Variants in STON2 observed in about 807,000 individuals in gnomAD.
The protein encoded by STON2 is stonin 2.
In STON2, 29 loss-of-function variants were observed where a neutral mutation model predicts 65.7. The ratio of observed to expected loss-of-function variants is 0.44; its 90% CI spans 0.33 to 0.60. STON2 has a LOEUF of 0.60. STON2 is among the 20% of genes least tolerant of loss of function. The pLI is 0.03. For synonymous variants in STON2, 404 were observed against 414.2 expected (o/e 0.98, Z 0.30); for missense variants, 1,054 against 1,118.1 (o/e 0.94, Z 0.82).
chr14:81,262,056 C>A lies in STON2; in HGVS notation c.*6358G>T. The stretch of plus-strand genomic sequence containing the variant: ...GTTCTTATAAACATAGGAAGAGTCA[C>A]TGAAAGGTGGCACCAATGGATATTT... On this transcript the variant is annotated 3_prime_UTR_variant, in exon 8 of 8. Transcript: ENST00000614646. 7.7e-7 allele frequency: 1 copy of A among 1,306,038 alleles called. No individual in the cohort carries two copies. Among genetic ancestry groups the A allele is most frequent in the Middle Eastern group, 2.9e-4 (1 of 3,428 alleles). The allele number at this position is 1,306,038 out of a possible 1,614,324, so 80.9% of individuals were successfully genotyped here. A position where few individuals can be genotyped will look rare whatever the true frequency, so the allele number is the denominator to read the frequency against.
At chr14:81,432,329 C>A (rs562789173) in intron 1 of STON2, among the ~76,000 whole-genome samples, 11 of 152,210 alleles carry the variant, frequency 7.2e-5, no homozygotes, top group African/African-American at 2.6e-4. Context: ...TAGTAACTTG[C>A]TCCATCTCGT....
chr14:81,309,452 TA>T (rs1896338265), intron 5 of STON2, among the ~76,000 whole-genome samples: 1 of 152,224 alleles, frequency 6.6e-6, no homozygotes, highest in African/African-American at 2.4e-5. Flanking sequence ...CTCATTTATT[TA>T]CATGTACTTT....
chr14:81,434,839 G>T (rs1261836386), intron 1 of STON2, among the ~76,000 whole-genome samples: 1 of 152,024 alleles, frequency 6.6e-6, no homozygotes, highest in African/African-American at 2.4e-5. Context: ...CAGTGACAAA[G>T]AATTAAACCA....
At position 81,277,586 on chromosome 14, in the gene STON2, G is replaced by A. The variant is rs777430496; in HGVS notation, c.1896C>T (p.Val632=). The stretch of plus-strand genomic sequence containing the variant: ...TCACAATGCCAGAGAATTCATCTCT[G>A]ACATCCACTGTAATCTCCTCTTCAA... ...NYLEEEITVD[V]RDEFSGIVSK... Residue 632 remains valine, a synonymous_variant, in exon 6 of 8, where the codon GTC becomes GTT. Transcript: ENST00000614646. The A allele has an allele frequency of 1.2e-6, 2 of 1,614,172 alleles. No individual in the cohort carries two copies. The highest frequency in any genetic ancestry group is 3.3e-5 in the Admixed American group (2 of 60,020).
At chr14:81,411,026 T>C (rs561946643) in intron 2 of STON2, among the ~76,000 whole-genome samples, 111 of 152,396 alleles carry the variant, frequency 7.3e-4, no homozygotes, top group Middle Eastern at 3.4e-3. Flanking sequence ...ATTTCTGTTT[T>C]TCTTCCTTGC....
intron 4 of STON2, chr14:81,333,214 T>A: frequency 2.1e-6 from 2 of 964,310 alleles, no homozygotes; most frequent in Non-Finnish European, 3.3e-6. Flanking sequence ...TGTGGTCTTG[T>A]ACATTTTTGC....
intron 2 of STON2, among the ~76,000 whole-genome samples, chr14:81,408,150 C>CAT (rs1900961301): frequency 7.1e-6 from 1 of 141,582 alleles, no homozygotes; most frequent in African/African-American, 2.9e-5. Flanking sequence ...CACACACACA[C>CAT]ACACACACGC....
chr14:81,277,557 T>C lies in STON2; in HGVS notation c.1925A>G (p.Lys642Arg). ...VRDEFSGIVS[K>R]GDNQILQHHV... ...GTGCTGGAGAATCTGGTTGTCTCCT[T>C]TGCTCACAATGCCAGAGAATTCATC... The change falls in exon 6 of 8, where the codon AAA (lysine) becomes AGA (arginine). Residue 642 changes from lysine (K) to arginine (R), a missense_variant. By Grantham distance (26) the Lys-to-Arg change is conservative. Transcript: ENST00000614646. 2 of 1,614,174 alleles carry C rather than the reference T, an allele frequency of 1.2e-6. No individual in the cohort carries two copies. The highest frequency in any genetic ancestry group is 1.7e-6 in the Non-Finnish European group (2 of 1,180,024).
chr14:81,408,158 C>CACACGCGT (rs1491573285), intron 2 of STON2, among the ~76,000 whole-genome samples: 6 of 94,554 alleles, frequency 6.3e-5, no homozygotes, highest in Admixed American at 4.2e-4. Flanking sequence ...CACACACACA[C>CACACGCGT]GCGCACACAC....
intron 3 of STON2, among the ~76,000 whole-genome samples, chr14:81,393,647 TGAA>T (rs1408444251): frequency 6.6e-6 from 1 of 152,232 alleles, no homozygotes; most frequent in African/African-American, 2.4e-5. Flanking sequence ...GTACATGATA[TGAA>T]GTAGCTAAGG....
intron 2 of STON2, 96 bp from the exon 3 acceptor site, chr14:81,396,274 G>A (rs1004591471): frequency 3.7e-5 from 44 of 1,180,210 alleles, no homozygotes; most frequent in Admixed American, 1.4e-4. Context: ...TGGGGTGCCC[G>A]CATGACTCGC....
chr14:81,316,474 A>G (rs1566905413), intron 5 of STON2, among the ~76,000 whole-genome samples: 2 of 152,242 alleles, frequency 1.3e-5, no homozygotes, highest in Non-Finnish European at 2.9e-5. Context: ...TAGGAAGATC[A>G]ACTCAGTAAG....
chr14:81,264,802 G>A lies in STON2; in HGVS notation c.*3612C>T, dbSNP rs1894292462. 7 of 985,392 alleles carry A rather than the reference G, an allele frequency of 7.1e-6. No individual in the cohort carries two copies. Among genetic ancestry groups the A allele is most frequent in the Non-Finnish European group, 8.4e-6 (7 of 829,926 alleles). The allele number at this position is 985,392 out of a possible 1,614,324, so 61.0% of individuals were successfully genotyped here. On this transcript the variant is annotated 3_prime_UTR_variant, in exon 8 of 8. Coordinates refer to ENST00000614646, the MANE Select transcript of STON2 (RefSeq NM_001394390.1). Reference sequence around the variant, plus strand: ...TGAATGAAATGCAAACTTTTGATAAGGAATAACTAGTACTATGTCTGCAAG... The same window carrying A: ...TGAATGAAATGCAAACTTTTGATAAAGAATAACTAGTACTATGTCTGCAAG...
At chr14:81,375,323 G>C (rs1325601649) in intron 3 of STON2, among the ~76,000 whole-genome samples, 1 of 151,964 alleles carries the variant, frequency 6.6e-6, no homozygotes, top group East Asian at 1.9e-4. Flanking sequence ...ATTTAACATG[G>C]TATGCACAAA....
At position 81,324,102 on chromosome 14, in the gene STON2, G is replaced by T. The variant is rs1013214068; in HGVS notation, c.657C>A (p.His219Gln). ...ACSEHTSTRTHRLDPSPPSPQ... is the reference protein window; with the variant it reads ...ACSEHTSTRTQRLDPSPPSPQ... ...GTGAGGGTGGCGAGGGGTCCAGGCG[G>T]TGGGTGCGGGTGGAGGTATGCTCCG... is the stretch of plus-strand genomic sequence containing the variant. Residue 219 changes from histidine (H) to glutamine (Q), a missense_variant, in exon 5 of 8, where the codon CAC becomes CAA. By Grantham distance (24) the His-to-Gln change is conservative. Coordinates refer to ENST00000614646, the MANE Select transcript of STON2 (RefSeq NM_001394390.1). 3.3e-5 allele frequency among the ~76,000 whole-genome samples: 5 copies of T among 152,242 alleles called. No individual in the cohort carries two copies. The highest frequency in any genetic ancestry group is 1.2e-4 in the African/African-American group (5 of 41,462).
At chr14:81,378,212 C>G (rs1264919119) in intron 3 of STON2, among the ~76,000 whole-genome samples, 1 of 151,742 alleles carries the variant, frequency 6.6e-6, no homozygotes, top group Non-Finnish European at 1.5e-5. Context: ...ATTCTAGATA[C>G]TAGTCCTTTT....
chr14:81,436,394 G>C (rs1401868915), exon 1 of STON2: 1 of 151,636 alleles, frequency 6.6e-6, no homozygotes, highest in African/African-American at 2.4e-5. Flanking sequence ...TCTGGCCGCG[G>C]GATACCCACC....
chr14:81,339,127 AAAAG>A (rs2140286769), intron 4 of STON2, among the ~76,000 whole-genome samples: 1 of 152,198 alleles, frequency 6.6e-6, no homozygotes, highest in African/African-American at 2.4e-5. Flanking sequence ...AGGGCAGGAG[AAAAG>A]AAAGGGCAGA....
In STON2 at chr14:81,277,231, T is replaced by A. The variant is rs35689202; in HGVS notation, c.2251A>T (p.Thr751Ser). Residue 751 changes from threonine (T) to serine (S), a missense_variant, in exon 6 of 8, where the codon ACA (threonine) becomes TCA (serine). Coordinates refer to ENST00000614646, the MANE Select transcript of STON2 (RefSeq NM_001394390.1). ...KTLPFTLRTA[T>S]SVNGAEVEVQ... ...TCCACCTCTGCCCCATTGACACTTG[T>A]GGCCGTCCTGAGTGTGAAAGGCAAG... is the stretch of plus-strand genomic sequence containing the variant. 2.5e-6 allele frequency: 4 copies of A among 1,614,086 alleles called. No homozygotes were observed. In the African/African-American group the frequency reaches 4.0e-5, roughly 16 times the overall value.
Sources: allele counts gnomAD v4.1 joint callset (sites outside exome capture counted in the v4.1 genomes callset), GRCh38; gene constraint gnomAD v4.1.1; transcripts MANE v1.5; gene names NCBI Gene and HGNC (gene_info 2026-07-23, HGNC 2026-07-21).